Variants in LRRC4C observed in about 807,000 individuals in gnomAD.
The protein encoded by LRRC4C is leucine rich repeat containing 4C.
In LRRC4C, 5 loss-of-function variants were observed where a neutral mutation model predicts 33.6. The observed-to-expected ratio is 0.15, with a 90% CI of 0.08 to 0.31. The LOEUF is 0.31. Ranked by LOEUF, LRRC4C falls within the 10% of genes least tolerant of loss-of-function variation. The pLI is 1.00. For missense variants in LRRC4C, 560 were observed against 796.7 expected, an observed-to-expected ratio of 0.70 and a Z score of 3.58; for synonymous variants, 329 against 302.0, an observed-to-expected ratio of 1.09 and a Z score of -0.93.
At chr11:41,011,350 T>A (rs1855161219) in intron 1 of LRRC4C, among the ~76,000 whole-genome samples, 1 of 152,146 alleles carries the variant, frequency 6.6e-6, no homozygotes. Flanking sequence ...TAAAAATGGA[T>A]CAAATATATA....
At position 41,226,938 on chromosome 11, in the gene LRRC4C, G is replaced by A. The variant is rs1478892999; in HGVS notation, c.-496+232493C>T. On this transcript the variant is annotated intron_variant, in intron 1 of 6. Transcript: ENST00000528697. Reference sequence around the variant, plus strand: ...TTGTATCCTTATTTCAAACAACACAGTACAAGCATTTGTTATTTGTCCTTC... The same window carrying A: ...TTGTATCCTTATTTCAAACAACACAATACAAGCATTTGTTATTTGTCCTTC... 9.2e-5 allele frequency among the ~76,000 whole-genome samples: 14 copies of A among 152,000 alleles called. 1 individual carries two copies. The highest frequency in any genetic ancestry group is 4.2e-4 in the South Asian group (2 of 4,818).
chr11:41,358,074 A>G (rs1033671609), intron 1 of LRRC4C, among the ~76,000 whole-genome samples: 2 of 152,156 alleles, frequency 1.3e-5, no homozygotes, highest in African/African-American at 4.8e-5. Flanking sequence ...CAAGAAATAG[A>G]ATAGAGAGCT....
chr11:41,116,083 T>C, intron 1 of LRRC4C, among the ~76,000 whole-genome samples: 1 of 152,162 alleles, frequency 6.6e-6, no homozygotes, highest in East Asian at 1.9e-4. Flanking sequence ...TACCATTTAT[T>C]TAGCATGTAC....
At chr11:40,387,914 AT>A (rs1341578418) in intron 3 of LRRC4C, among the ~76,000 whole-genome samples, 1 of 151,926 alleles carries the variant, frequency 6.6e-6, no homozygotes, top group African/African-American at 2.4e-5. Flanking sequence ...TTCCACAGAG[AT>A]TTTCTTTTGC....
chr11:41,169,161 T>A lies in LRRC4C; in HGVS notation c.-495-235438A>T, dbSNP rs115429993. Among the ~76,000 whole-genome samples the A allele has an allele frequency of 8.0e-3, 1,216 of 152,322 alleles. 19 individuals carry two copies. The highest frequency in any genetic ancestry group is 0.028 in the African/African-American group (1,149 of 41,574). On this transcript the variant is annotated intron_variant, in intron 1 of 6. Coordinates refer to ENST00000528697, the MANE Select transcript of LRRC4C (RefSeq NM_001258419.2). ...AAGGTCTGTTTACAAATATTCTCAC[T>A]ATTCCTAGATTAAGAGAATAAAACA...
chr11:40,693,318 T>G (rs557631359), intron 2 of LRRC4C, among the ~76,000 whole-genome samples: 2 of 152,106 alleles, frequency 1.3e-5, no homozygotes, highest in Non-Finnish European at 2.9e-5. Flanking sequence ...GGTAAAATAG[T>G]TGATAGCCAT....
At chr11:40,736,160 C>T (rs887523294) in intron 2 of LRRC4C, among the ~76,000 whole-genome samples, 2 of 152,048 alleles carry the variant, frequency 1.3e-5, no homozygotes, top group African/African-American at 2.4e-5. Context: ...CTATATCTCT[C>T]CTTGCCCCCC....
chr11:40,193,095 G>A (rs1359693424), intron 5 of LRRC4C, among the ~76,000 whole-genome samples: 3 of 152,152 alleles, frequency 2.0e-5, no homozygotes, highest in Non-Finnish European at 2.9e-5. Context: ...CACAGTGCTC[G>A]AGCTCTGCTA....
intron 2 of LRRC4C, among the ~76,000 whole-genome samples, chr11:40,912,906 G>A (rs183416864): frequency 5.9e-5 from 9 of 152,126 alleles, no homozygotes; most frequent in Admixed American, 2.6e-4. Flanking sequence ...CCTAGTCTCT[G>A]ATAAAACAGA....
chr11:40,542,845 A>C (rs1956778097), intron 3 of LRRC4C, among the ~76,000 whole-genome samples: 1 of 151,948 alleles, frequency 6.6e-6, no homozygotes, highest in Admixed American at 6.6e-5. Context: ...TCCCTCTCAT[A>C]TTTTATTGAC....
intron 5 of LRRC4C, among the ~76,000 whole-genome samples, chr11:40,207,264 C>A (rs77774971): frequency 6.6e-6 from 1 of 152,052 alleles, no homozygotes; most frequent in African/African-American, 2.4e-5. Flanking sequence ...CAGCTGCTTT[C>A]CATGCTGTGG....
chr11:41,214,106 T>C (rs1946933652), intron 1 of LRRC4C, among the ~76,000 whole-genome samples: 1 of 152,206 alleles, frequency 6.6e-6, no homozygotes. Context: ...GCCTGCCATA[T>C]TTAGCTAGGA....
intron 4 of LRRC4C, among the ~76,000 whole-genome samples, chr11:40,261,078 A>G (rs1314552133): frequency 6.6e-6 from 1 of 152,028 alleles, no homozygotes; most frequent in East Asian, 1.9e-4. Flanking sequence ...AGTAGGTATC[A>G]CTATGTTGCC....
At chr11:40,154,010 A>G (rs1858445610) in intron 5 of LRRC4C, among the ~76,000 whole-genome samples, 1 of 152,198 alleles carries the variant, frequency 6.6e-6, no homozygotes, top group Non-Finnish European at 1.5e-5. Flanking sequence ...GATGAAGGAA[A>G]GAATCTTAAG....
intron 5 of LRRC4C, among the ~76,000 whole-genome samples, chr11:40,186,102 T>C (rs1208164776): frequency 6.6e-6 from 1 of 152,240 alleles, no homozygotes; most frequent in Non-Finnish European, 1.5e-5. Flanking sequence ...TGATTGTTTC[T>C]TGTTCACTAT....
chr11:40,717,209 A>C (rs1946772154), intron 2 of LRRC4C, among the ~76,000 whole-genome samples: 1 of 151,972 alleles, frequency 6.6e-6, no homozygotes, highest in South Asian at 2.1e-4. Flanking sequence ...ACTAATCATA[A>C]ATGAACAGGA....
chr11:41,059,525 T>C (rs1316118936), intron 1 of LRRC4C, among the ~76,000 whole-genome samples: 1 of 152,110 alleles, frequency 6.6e-6, no homozygotes, highest in African/African-American at 2.4e-5. Flanking sequence ...TCATGACATT[T>C]TGTGTCTTTT....
At chr11:40,596,912 CAT>C (rs1354371568) in intron 3 of LRRC4C, among the ~76,000 whole-genome samples, 1 of 152,104 alleles carries the variant, frequency 6.6e-6, no homozygotes, top group Non-Finnish European at 1.5e-5. Context: ...AAATGTGGTA[CAT>C]ATACCCATGG....
In LRRC4C at chr11:40,131,800, G is replaced by A. The variant is rs191305884; in HGVS notation, c.-43+9001C>T. On this transcript the variant is annotated intron_variant, in intron 6 of 6. Coordinates refer to ENST00000528697, the MANE Select transcript of LRRC4C (RefSeq NM_001258419.2). ...CTAGCACTGATGACAGTTAAAGTCCGTATATGGAGAATGGTTGATGCGTCA... is the reference window on the plus strand; with the variant it reads ...CTAGCACTGATGACAGTTAAAGTCCATATATGGAGAATGGTTGATGCGTCA... Among the ~76,000 whole-genome samples the A allele has an allele frequency of 1.3e-4, 20 of 152,226 alleles. No individual in the cohort carries two copies. The South Asian group carries it at 1.5e-3, about 11-fold the overall frequency.
Sources: gnomAD v4.1 joint callset for allele counts (sites outside exome capture counted in the v4.1 genomes callset) on GRCh38, gnomAD v4.1.1 for gene constraint, MANE v1.5 for transcripts, NCBI Gene and HGNC (gene_info 2026-07-23, HGNC 2026-07-21) for gene names.